Variants in EFCAB5 observed in about 807,000 individuals in gnomAD.
EFCAB5 encodes EF-hand calcium-binding domain-containing protein 5.
EFCAB5 carries 131 observed loss-of-function variants against 167.9 expected under a neutral mutation model. The ratio of observed to expected loss-of-function variants is 0.78; its 90% CI spans 0.68 to 0.90. The LOEUF is 0.90. Ranked by LOEUF, EFCAB5 falls within the 40% of genes least tolerant of loss-of-function variation. The pLI is 0.00. For synonymous variants in EFCAB5, 574 were observed against 602.8 expected (o/e 0.95, Z 0.70); for missense variants, 1,663 against 1,745.2 (o/e 0.95, Z 0.84).
At chr17:29,959,099 T>C (rs1405921208) in intron 3 of EFCAB5, among the ~76,000 whole-genome samples, 1 of 152,178 alleles carries the variant, frequency 6.6e-6, no homozygotes, top group East Asian at 1.9e-4. Flanking sequence ...AGGTCCAACC[T>C]GAAGCCGGCA....
chr17:30,097,392 A>G (rs2071318677), intron 22 of EFCAB5, among the ~76,000 whole-genome samples: 2 of 152,148 alleles, frequency 1.3e-5, no homozygotes, highest in East Asian at 3.8e-4. Flanking sequence ...GGTCACATAG[A>G]ACTAAAAGCC....
At position 30,083,989 on chromosome 17, in the gene EFCAB5, A is replaced by T. The variant is rs528558968; in HGVS notation, c.3579+946A>T. On this transcript the variant is annotated intron_variant, in intron 18 of 22. Transcript: ENST00000394835. ...TTTATACTTTGTGTTAGGATTTTGC[A>T]TATGATGAGAGTGGGTGGAAAGGTT... 1.1e-4 allele frequency among the ~76,000 whole-genome samples: 17 copies of T among 152,296 alleles called. No homozygotes were observed. In the South Asian group the frequency reaches 3.5e-3, roughly 32 times the overall value.
chr17:30,096,474 T>C (rs1200702630), intron 22 of EFCAB5, among the ~76,000 whole-genome samples: 2 of 151,718 alleles, frequency 1.3e-5, no homozygotes, highest in Non-Finnish European at 2.9e-5. Context: ...GGCCAGAAGT[T>C]CAAGACTATG....
chr17:29,968,428 CAG>C, intron 3 of EFCAB5: 3 of 413,802 alleles, frequency 7.2e-6, no homozygotes, highest in Non-Finnish European at 1.4e-5. Context: ...GATAATAAAA[CAG>C]AGCCTCAAGA....
chr17:30,029,393 G>A (rs924014766), intron 7 of EFCAB5, among the ~76,000 whole-genome samples: 39 of 152,118 alleles, frequency 2.6e-4, no homozygotes, highest in African/African-American at 9.4e-4. Context: ...GAGGTGTTGA[G>A]TAGCTCATGT....
At chr17:30,086,039 A>G (rs1162209513) in intron 18 of EFCAB5, among the ~76,000 whole-genome samples, 1 of 152,110 alleles carries the variant, frequency 6.6e-6, no homozygotes, top group Non-Finnish European at 1.5e-5. Context: ...TCTGTTGCCC[A>G]GGCTGAAGTG....
At chr17:30,011,875 G>A (rs1164992444) in intron 7 of EFCAB5, among the ~76,000 whole-genome samples, 1 of 152,088 alleles carries the variant, frequency 6.6e-6, no homozygotes, top group Non-Finnish European at 1.5e-5. Context: ...AACAAGAATA[G>A]TTATACCATA....
At chr17:30,073,061 A>ATTT (rs545468255) in intron 14 of EFCAB5, 24 of 520,600 alleles carry the variant, frequency 4.6e-5, no homozygotes, top group African/African-American at 6.3e-5. Flanking sequence ...CCCAACCTTT[A>ATTT]TTTTTTTTTT....
chr17:29,988,071 G>A (rs2068327691), intron 4 of EFCAB5, among the ~76,000 whole-genome samples: 1 of 152,186 alleles, frequency 6.6e-6, no homozygotes, highest in Non-Finnish European at 1.5e-5. Flanking sequence ...TTCTTTCCAG[G>A]TAATGCAAGT....
chr17:30,076,117 G>A (rs556856106), intron 14 of EFCAB5, among the ~76,000 whole-genome samples: 1 of 151,882 alleles, frequency 6.6e-6, no homozygotes, highest in Non-Finnish European at 1.5e-5. Context: ...ACAGCTGTCT[G>A]GTTCTTTCTC....
chr17:30,103,236 A>C (rs2071404219), intron 22 of EFCAB5, among the ~76,000 whole-genome samples: 1 of 148,686 alleles, frequency 6.7e-6, no homozygotes. Context: ...ATAAATATAT[A>C]TATATATGGG....
intron 13 of EFCAB5, 111 bp from the exon 14 acceptor site, chr17:30,059,434 G>T: frequency 8.2e-7 from 1 of 1,216,812 alleles, no homozygotes; most frequent in Non-Finnish European, 1.1e-6. Context: ...TAGCCTCAAA[G>T]TAAACCTGTT....
chr17:30,090,742 C>T (rs889673439), intron 20 of EFCAB5, 68 bp downstream of exon 20: 65 of 1,526,790 alleles, frequency 4.3e-5, no homozygotes, highest in Middle Eastern at 3.5e-4. Context: ...ACAGGGAGTG[C>T]AATGAAATAT....
intron 7 of EFCAB5, among the ~76,000 whole-genome samples, chr17:30,023,923 A>T (rs774106547): frequency 4.7e-4 from 72 of 152,198 alleles, no homozygotes; most frequent in Non-Finnish European, 9.3e-4. Context: ...AGAACTGAAG[A>T]CAAAAGCCAC....
rs560564685 is a variant in EFCAB5 at position 29,947,090 on chromosome 17, C to T, written c.190+3441C>T. Among the ~76,000 whole-genome samples, 9 of 151,224 alleles carry T rather than the reference C, an allele frequency of 6.0e-5. No individual in the cohort carries two copies. The East Asian group carries it at 1.4e-3, about 23-fold the overall frequency. ...TTGGGAGGCTGAGGCAGGAGAATTG[C>T]TTGAACCCAGGAGGCAGAGGTTGCA... On this transcript the variant is annotated intron_variant, in intron 3 of 22. Transcript: ENST00000394835.
chr17:29,978,970 G>C (rs557184950), intron 4 of EFCAB5, among the ~76,000 whole-genome samples: 22 of 152,248 alleles, frequency 1.4e-4, no homozygotes, highest in Admixed American at 1.2e-3. Flanking sequence ...GGGGGGAGTG[G>C]GGAGTATGCT....
intron 7 of EFCAB5, among the ~76,000 whole-genome samples, chr17:30,024,175 T>C (rs1240275636): frequency 1.3e-5 from 2 of 152,092 alleles, no homozygotes; most frequent in African/African-American, 4.8e-5. Flanking sequence ...TTGGAAGTTC[T>C]GGCCAGGGCA....
intron 7 of EFCAB5, among the ~76,000 whole-genome samples, chr17:30,016,554 A>G (rs114505582): frequency 4.6e-5 from 7 of 152,274 alleles, no homozygotes; most frequent in African/African-American, 1.7e-4. Flanking sequence ...TTTAATCCTT[A>G]CAGTGACCCT....
At chr17:29,942,125 T>C (rs1351954243) in intron 1 of EFCAB5, 115 bp from the exon 2 acceptor site, 18 of 844,430 alleles carry the variant, frequency 2.1e-5, no homozygotes, top group Non-Finnish European at 3.6e-6. Flanking sequence ...CACATGATAT[T>C]TACTCATTAT....
Sources: gnomAD v4.1 joint callset for allele counts (sites outside exome capture counted in the v4.1 genomes callset) on GRCh38, gnomAD v4.1.1 for gene constraint, MANE v1.5 for transcripts, NCBI Gene and HGNC (gene_info 2026-07-23, HGNC 2026-07-21) for gene names.